IL18RAP: variants seen among roughly 807,000 people sequenced by gnomAD.
IL18RAP encodes the protein interleukin 18 receptor accessory protein.
IL18RAP carries 37 observed loss-of-function variants against 58.1 expected under a neutral mutation model. The observed-to-expected ratio is 0.64, with a 90% CI of 0.49 to 0.84. The LOEUF (loss-of-function observed/expected upper bound fraction) is 0.84. IL18RAP is among the 40% of genes least tolerant of loss of function. IL18RAP has a pLI of 0.00. For synonymous variants in IL18RAP, 268 were observed against 257.5 expected, an observed-to-expected ratio of 1.04 and a Z score of -0.39; for missense variants, 667 against 704.8, an observed-to-expected ratio of 0.95 and a Z score of 0.61.
intron 3 of IL18RAP, chr2:102,434,774 G>C (rs1019615526): frequency 2.6e-5 from 4 of 152,218 alleles, no homozygotes; most frequent in African/African-American, 7.2e-5. Context: ...AAGATACTCT[G>C]TGTCTGCCAT....
At chr2:102,431,630 A>G (rs906846476) in intron 3 of IL18RAP, among the ~76,000 whole-genome samples, 1 of 151,980 alleles carries the variant, frequency 6.6e-6, no homozygotes, top group African/African-American at 2.4e-5. Flanking sequence ...ATAATTTCAA[A>G]TGTCATCTCT....
upstream of IL18RAP, among the ~76,000 whole-genome samples, chr2:102,421,972 G>A (rs547539467): frequency 2.0e-5 from 3 of 151,946 alleles, no homozygotes; most frequent in Admixed American, 6.5e-5. Flanking sequence ...ACCTGCTGAC[G>A]CATTCCCCTC....
intron 6 of IL18RAP, 91 bp from the exon 7 acceptor site, chr2:102,445,098 A>C: frequency 8.5e-7 from 1 of 1,182,080 alleles, no homozygotes; most frequent in South Asian, 1.4e-5. Flanking sequence ...TCTAAAAGCC[A>C]AACTGTTGGC....
At position 102,445,354 on chromosome 2, in the gene IL18RAP, G is replaced by A; in HGVS notation, c.1072+14G>A. 1 of 1,612,970 alleles carries A rather than the reference G, an allele frequency of 6.2e-7. No homozygotes were observed. The highest frequency in any genetic ancestry group is 8.5e-7 in the Non-Finnish European group (1 of 1,179,100). ...AAAAGAGAGGAGGTAAGCCCAGAAG[G>A]TTGCCCAGGAGGCATGAAACTGCTT... On this transcript the variant is annotated intron_variant, in intron 7 of 9. Transcript: ENST00000687160.
intron 4 of IL18RAP, chr2:102,440,156 A>AG (rs1027492454): frequency 1.6e-4 from 25 of 152,288 alleles, no homozygotes; most frequent in African/African-American, 6.0e-4. Context: ...CTTACTACCC[A>AG]GGGGTATCAG....
chr2:102,450,937 G>T lies in IL18RAP; in HGVS notation c.1300G>T (p.Ala434Ser), dbSNP rs1683724054. 2 of 1,612,208 alleles carry T rather than the reference G, an allele frequency of 1.2e-6. No homozygotes were observed. The highest frequency in any genetic ancestry group is 4.5e-5 in the East Asian group (2 of 44,862). Residue 434 changes from alanine (A) to serine (S), a missense_variant, in exon 9 of 10, where the codon GCC (alanine) becomes TCC (serine). Ala to Ser is a moderately conservative substitution (Grantham distance 99, BLOSUM62 1). Transcript: ENST00000687160. ...TTCATCTCTGAGTGAAGAACACTTGGCCCTGAGCCTATTTCCTGATGTTTT... is the reference window on the plus strand; with the variant it reads ...TTCATCTCTGAGTGAAGAACACTTGTCCCTGAGCCTATTTCCTGATGTTTT... ...ATSSLSEEHL[A>S]LSLFPDVLEN...
intron 3 of IL18RAP, among the ~76,000 whole-genome samples, chr2:102,430,221 A>T (rs1364451298): frequency 6.6e-6 from 1 of 152,028 alleles, no homozygotes; most frequent in Non-Finnish European, 1.5e-5. Flanking sequence ...TAAATGCGTT[A>T]TATATTTAAG....
upstream of IL18RAP, chr2:102,419,386 CTCTG>C (rs1235669109): frequency 4.6e-5 from 7 of 152,310 alleles, no homozygotes; most frequent in African/African-American, 1.7e-4. Flanking sequence ...GAGACCAAAT[CTCTG>C]TCTGCAGGTG....
chr2:102,434,046 T>A (rs1290901027), intron 3 of IL18RAP: 2 of 152,262 alleles, frequency 1.3e-5, no homozygotes, highest in Non-Finnish European at 2.9e-5. Context: ...ATTTAGATTA[T>A]ATTTCTCAAA....
intron 8 of IL18RAP, among the ~76,000 whole-genome samples, chr2:102,449,976 G>A (rs553664433): frequency 1.2e-4 from 19 of 152,070 alleles, no homozygotes; most frequent in Admixed American, 3.3e-4. Flanking sequence ...TCCATCCACC[G>A]AGGCATCATT....
chr2:102,431,522 T>C (rs1469211096), intron 3 of IL18RAP, among the ~76,000 whole-genome samples: 2 of 152,192 alleles, frequency 1.3e-5, no homozygotes, highest in Non-Finnish European at 2.9e-5. Context: ...ACTTCTTTTT[T>C]CTTCCATCTT....
chr2:102,439,448 G>A (rs1472648063), intron 4 of IL18RAP: 2 of 152,494 alleles, frequency 1.3e-5, no homozygotes, highest in Non-Finnish European at 2.9e-5. Flanking sequence ...GCCAGCCTTT[G>A]AGCTGGTCAA....
intron 7 of IL18RAP, among the ~76,000 whole-genome samples, chr2:102,446,662 G>C (rs764119995): frequency 1.1e-4 from 16 of 152,104 alleles, no homozygotes; most frequent in Non-Finnish European, 1.2e-4. Flanking sequence ...TTAGCCGGGC[G>C]TGGTGGCGGG....
chr2:102,428,017 T>G (rs1010160585), intron 3 of IL18RAP, among the ~76,000 whole-genome samples: 337 of 150,712 alleles, frequency 2.2e-3, no homozygotes, highest in Admixed American at 6.2e-3. Context: ...CATAAATGTG[T>G]GGGTTTCTTT....
rs528630340 is a variant in IL18RAP, at chr2:102,446,643, C to CA, written c.1073-419dup. Among the ~76,000 whole-genome samples, 235 of 151,744 alleles carry CA rather than the reference C, an allele frequency of 1.5e-3. 2 individuals are homozygous for CA. Among genetic ancestry groups the CA allele is most frequent in the South Asian group, 2.1e-3 (10 of 4,810 alleles). On this transcript the variant is annotated intron_variant, in intron 7 of 9. Coordinates refer to ENST00000687160, the MANE Select transcript of IL18RAP (RefSeq NM_001393487.1). ...TGAAGCCCCGTCTCCACTAAAAATA[C>CA]AAAAAAAATTAGCCGGGCGTGGTGG...
intron 3 of IL18RAP, among the ~76,000 whole-genome samples, chr2:102,428,180 T>C (rs1011771286): frequency 6.6e-6 from 1 of 151,800 alleles, no homozygotes; most frequent in African/African-American, 2.4e-5. Flanking sequence ...TTTGGTTATT[T>C]GGGGTCTTTT....
chr2:102,443,403 G>GT, intron 6 of IL18RAP, 80 bp downstream of exon 6: 1 of 1,496,962 alleles, frequency 6.7e-7, no homozygotes, highest in Non-Finnish European at 9.0e-7. Flanking sequence ...AAAGTATACA[G>GT]TTGATGGTGT....
rs1366453036 is a variant in IL18RAP at position 102,445,359 on chromosome 2, C to T, written c.1072+19C>T. On this transcript the variant is annotated intron_variant, in intron 7 of 9. Transcript: ENST00000687160. ...AGAGGAGGTAAGCCCAGAAGGTTGC[C>T]CAGGAGGCATGAAACTGCTTTCACT... 54 of 1,610,864 alleles carry T rather than the reference C, an allele frequency of 3.4e-5. No homozygotes were observed. Among genetic ancestry groups the T allele is most frequent in the Non-Finnish European group, 4.5e-5 (53 of 1,177,660 alleles).
intron 7 of IL18RAP, among the ~76,000 whole-genome samples, chr2:102,446,795 C>CA (rs749884501): frequency 0.54 from 64,906 of 119,516 alleles, 17,202 homozygotes; most frequent in African/African-American, 0.67. Flanking sequence ...ACTCCGTCTC[C>CA]AAAAAAAAAA....
Sources: gnomAD v4.1 joint callset for allele counts (sites outside exome capture counted in the v4.1 genomes callset) on GRCh38, gnomAD v4.1.1 for gene constraint, MANE v1.5 for transcripts, NCBI Gene and HGNC (gene_info 2026-07-23, HGNC 2026-07-21) for gene names.